Variants in COL27A1 observed in about 807,000 individuals in gnomAD.
The protein encoded by COL27A1 is collagen type XXVII alpha 1 chain, also known as collagen alpha-1(XXVII) chain.
In COL27A1, 106 loss-of-function variants were observed where a neutral mutation model predicts 251.3. The observed-to-expected ratio is 0.42, with a 90% CI of 0.36 to 0.50. COL27A1 has a LOEUF of 0.50. Among genes scored for constraint, COL27A1 ranks in the 20% least tolerant of loss-of-function variants. The pLI is 0.00. For missense variants in COL27A1, 2,325 were observed against 2,522.8 expected, an observed-to-expected ratio of 0.92 and a Z score of 1.68; for synonymous variants, 1,000 against 986.3, an observed-to-expected ratio of 1.01 and a Z score of -0.26.
chr9:114,292,887 T>C (rs1157959907), intron 49 of COL27A1, among the ~76,000 whole-genome samples: 1 of 152,214 alleles, frequency 6.6e-6, no homozygotes, highest in African/African-American at 2.4e-5. Context: ...AGCCAACTTT[T>C]CAAAATAGCA....
chr9:114,308,974 A>T (rs1024781023), intron 59 of COL27A1, among the ~76,000 whole-genome samples: 3 of 151,542 alleles, frequency 2.0e-5, no homozygotes, highest in African/African-American at 7.3e-5. Context: ...CAGCCCAAAG[A>T]CCCCCCATAC....
At chr9:114,180,137 G>C (rs976505198) in intron 4 of COL27A1, among the ~76,000 whole-genome samples, 1 of 151,414 alleles carries the variant, frequency 6.6e-6, no homozygotes, top group Admixed American at 6.6e-5. Context: ...ACTGCGCCTA[G>C]CCCAGAGCCT....
chr9:114,169,218 G>C lies in COL27A1; in HGVS notation c.1663G>C (p.Val555Leu), dbSNP rs998260212. ...AGPKSSPRKP[V>L]PLRPGKAARD... is the part of the protein sequence containing the mutation. ...ACCCAAGAGCAGCCCCCGGAAGCCTGTCCCCCTCAGACCTGGGAAGGCAGC... is the reference window on the plus strand; with the variant it reads ...ACCCAAGAGCAGCCCCCGGAAGCCTCTCCCCCTCAGACCTGGGAAGGCAGC... The change falls in exon 3 of 61, where the codon GTC (valine) becomes CTC (leucine). Residue 555 changes from valine to leucine, a missense_variant. Physicochemically the swap from Val to Leu is conservative, Grantham distance 32. Coordinates refer to ENST00000356083, the MANE Select transcript of COL27A1 (RefSeq NM_032888.4). 7 of 1,613,902 alleles carry C rather than the reference G, an allele frequency of 4.3e-6. No homozygotes were observed. Among genetic ancestry groups the C allele is most frequent in the South Asian group, 1.1e-5 (1 of 91,070 alleles).
At chr9:114,194,295 G>A (rs1828953525) in intron 5 of COL27A1, 109 bp from the exon 6 acceptor site, 5 of 1,016,848 alleles carry the variant, frequency 4.9e-6, no homozygotes, top group Non-Finnish European at 6.3e-6. Flanking sequence ...TGGGAGGATG[G>A]ATGGGAAGGC....
chr9:114,298,322 T>C (rs945992067), intron 49 of COL27A1, among the ~76,000 whole-genome samples: 1 of 152,188 alleles, frequency 6.6e-6, no homozygotes, highest in Non-Finnish European at 1.5e-5. Context: ...AAATCCAAGC[T>C]GACTTTTTAA....
At chr9:114,183,603 G>A (rs1828110629) in intron 5 of COL27A1, among the ~76,000 whole-genome samples, 1 of 152,090 alleles carries the variant, frequency 6.6e-6, no homozygotes, top group Non-Finnish European at 1.5e-5. Flanking sequence ...GGTGCAAGGT[G>A]AGAGACAGTT....
intron 12 of COL27A1, among the ~76,000 whole-genome samples, chr9:114,217,023 G>A (rs1269799583): frequency 1.3e-5 from 2 of 152,176 alleles, no homozygotes; most frequent in Non-Finnish European, 2.9e-5. Flanking sequence ...TGTGACTTTG[G>A]AAACATTTCC....
At chr9:114,187,238 C>T (rs1305059220) in intron 5 of COL27A1, among the ~76,000 whole-genome samples, 1 of 152,248 alleles carries the variant, frequency 6.6e-6, no homozygotes, top group African/African-American at 2.4e-5. Flanking sequence ...AGGGGGCTTC[C>T]AGCCCAGAAT....
At chr9:114,252,981 G>C in intron 27 of COL27A1, 49 bp downstream of exon 27, 1 of 1,497,784 alleles carries the variant, frequency 6.7e-7, no homozygotes, top group Non-Finnish European at 9.2e-7. Context: ...GTCAGATAAG[G>C]GTTAGGTGGC....
At chr9:114,307,848 C>T in intron 59 of COL27A1, 70 bp downstream of exon 59, 1 of 1,113,472 alleles carries the variant, frequency 9.0e-7, no homozygotes, top group South Asian at 1.3e-5. Context: ...GGGCCACAAC[C>T]AACCCAGGTT....
chr9:114,267,698 G>C, intron 34 of COL27A1, 141 bp downstream of exon 34: 2 of 808,894 alleles, frequency 2.5e-6, no homozygotes, highest in Non-Finnish European at 3.9e-6. Context: ...GGGGAGTGGG[G>C]CCTGGTTAGG....
At chr9:114,202,670 C>T (rs1829658708) in intron 7 of COL27A1, among the ~76,000 whole-genome samples, 1 of 152,162 alleles carries the variant, frequency 6.6e-6, no homozygotes, top group Admixed American at 6.5e-5. Flanking sequence ...CTATTCCAGT[C>T]ATACAGGCCT....
At chr9:114,262,105 A>G (rs755122463) in intron 28 of COL27A1, among the ~76,000 whole-genome samples, 3 of 152,160 alleles carry the variant, frequency 2.0e-5, no homozygotes, top group Non-Finnish European at 4.4e-5. Flanking sequence ...ATCATCCCTC[A>G]GGAGGGTTCA....
chr9:114,283,830 C>T, intron 40 of COL27A1, 68 bp downstream of exon 40: 1 of 1,503,414 alleles, frequency 6.7e-7, no homozygotes, highest in Non-Finnish European at 9.2e-7. Flanking sequence ...AGGCCCATGC[C>T]AGCCTCTGCC....
At position 114,155,885 on chromosome 9, in the gene COL27A1, T is replaced by C; in HGVS notation, c.-66T>C. On this transcript the variant is annotated 5_prime_UTR_variant, in exon 1 of 61. Coordinates refer to ENST00000356083, the MANE Select transcript of COL27A1 (RefSeq NM_032888.4). The surrounding 1 kb of genome is among the most constrained non-coding windows in gnomAD (Gnocchi z 5.5). Reference sequence around the variant, plus strand: ...GGCCTGGCGCGGCGGGGCGGGGGGCTGGCGGCCCCATGGGGCGCGCCCACA... The same window carrying C: ...GGCCTGGCGCGGCGGGGCGGGGGGCCGGCGGCCCCATGGGGCGCGCCCACA... 2 of 1,124,142 alleles carry C rather than the reference T, an allele frequency of 1.8e-6. No homozygotes were observed. The highest frequency in any genetic ancestry group is 2.2e-6 in the Non-Finnish European group (2 of 913,468). The allele number at this position is 1,124,142 out of a possible 1,614,324, so 69.6% of individuals were successfully genotyped here. A position where few individuals can be genotyped will look rare whatever the true frequency, so the allele number is the denominator to read the frequency against.
rs183008919 is a variant in COL27A1 at position 114,184,677 on chromosome 9, G to A, written c.2016+1602G>A. On this transcript the variant is annotated intron_variant, in intron 5 of 60. Transcript: ENST00000356083. ...CCTGTGTGCCAGGCACTGTTCATGC[G>A]TTTGATGTGGCTTGTCTCATTTGAT... Among the ~76,000 whole-genome samples, 41 of 152,312 alleles carry A rather than the reference G, an allele frequency of 2.7e-4. No homozygotes were observed. In the East Asian group the frequency reaches 4.4e-3, roughly 16 times the overall value.
At chr9:114,264,084 C>T (rs1050722848) in intron 28 of COL27A1, among the ~76,000 whole-genome samples, 28 of 152,180 alleles carry the variant, frequency 1.8e-4, no homozygotes, top group African/African-American at 5.1e-4. Context: ...CCCCCAAGGT[C>T]TCTCTGAACA....
chr9:114,219,952 C>A, intron 13 of COL27A1, 108 bp downstream of exon 13: 1 of 825,076 alleles, frequency 1.2e-6, no homozygotes, highest in African/African-American at 1.7e-5. Context: ...AAATCCCAGC[C>A]CTGTGAAGTA....
rs150455755 is a variant in COL27A1, at chr9:114,306,615, G to C, written c.5034G>C (p.Thr1678=). The part of the protein sequence containing the change: ...YLSNLIQSIK[T]PLGTKENPAR... ...GCAACCTCATCCAGAGCATTAAGAC[G>C]CCCCTGGGCACCAAAGAGAACCCCG... The change falls in exon 58 of 61, where the codon ACG becomes ACC. Residue 1678 remains threonine (T), a synonymous_variant. Coordinates refer to ENST00000356083, the MANE Select transcript of COL27A1 (RefSeq NM_032888.4). The C allele has an allele frequency of 3.7e-6, 6 of 1,614,098 alleles. No homozygotes were observed. The highest frequency in any genetic ancestry group is 5.1e-6 in the Non-Finnish European group (6 of 1,180,030).
Sources: gnomAD v4.1 joint callset for allele counts (sites outside exome capture counted in the v4.1 genomes callset) on GRCh38, gnomAD v4.1.1 for gene constraint, Gnocchi (gnomAD v3.1) non-coding constraint, MANE v1.5 for transcripts, NCBI Gene and HGNC (gene_info 2026-07-23, HGNC 2026-07-21) for gene names.